BTRC: variants seen among roughly 807,000 people sequenced by gnomAD.
BTRC encodes F-box/WD repeat-containing protein 1A.
A neutral mutation model predicts 85.5 loss-of-function variants in BTRC; 42 were observed. That is an observed-to-expected ratio of 0.49 (90% CI 0.38 to 0.64). BTRC has a LOEUF of 0.64. BTRC is among the 30% of genes least tolerant of loss of function. The pLI, the probability that BTRC is intolerant of heterozygous loss-of-function variation, is 0.00. For synonymous variants in BTRC, 255 were observed against 263.3 expected (o/e 0.97, Z 0.30); for missense variants, 594 against 743.5 (o/e 0.80, Z 2.34).
In BTRC at chr10:101,507,357, A is replaced by G. The variant is rs187514322; in HGVS notation, c.325-14282A>G. Among the ~76,000 whole-genome samples the G allele has an allele frequency of 2.8e-4, 43 of 152,272 alleles. 1 individual carries two copies. In the South Asian group the frequency reaches 5.8e-3, roughly 21 times the overall value. On this transcript the variant is annotated intron_variant, in intron 4 of 14. Transcript: ENST00000370187. The stretch of plus-strand genomic sequence containing the variant: ...TTTCTCCTATTATATTTATCTTACA[A>G]TTTGCCAGGGGGTGAAGTTATTAAG...
chr10:101,435,316 A>G (rs1251059839), intron 2 of BTRC, among the ~76,000 whole-genome samples: 1 of 152,188 alleles, frequency 6.6e-6, no homozygotes, highest in Non-Finnish European at 1.5e-5. Context: ...AAGATACACA[A>G]CAGTTTCATA....
At chr10:101,544,783 G>T (rs1487200441) in intron 13 of BTRC, among the ~76,000 whole-genome samples, 2 of 152,098 alleles carry the variant, frequency 1.3e-5, no homozygotes, top group African/African-American at 4.8e-5. Flanking sequence ...TATAGGCCAG[G>T]CATGGTGTCT....
At chr10:101,532,809 C>CGCGG (rs1564831181) in intron 8 of BTRC, 143 bp from the exon 9 acceptor site, 1 of 676,024 alleles carries the variant, frequency 1.5e-6, no homozygotes, top group Non-Finnish European at 2.6e-6. Context: ...CGCGCGCGCG[C>CGCGG]GCTTAGCTAT....
rs1034028739 is a variant in BTRC at position 101,461,609 on chromosome 10, A to C, written c.157-372A>C. 3.3e-5 allele frequency among the ~76,000 whole-genome samples: 5 copies of C among 152,182 alleles called. No individual in the cohort carries two copies. The East Asian group carries it at 9.6e-4, about 29-fold the overall frequency. ...GGAGATCTGTGCCAACCAAACATCT[A>C]CTATAATCGAGAGAAGGTAATAATC... On this transcript the variant is annotated intron_variant, in intron 2 of 14. Transcript: ENST00000370187.
chr10:101,382,008 C>G (rs10883632), intron 1 of BTRC, among the ~76,000 whole-genome samples: 1 of 93,794 alleles, frequency 1.1e-5, no homozygotes, highest in South Asian at 3.9e-4. Context: ...TTTGAGATGG[C>G]GTCTTGCTCT....
At chr10:101,492,740 G>A (rs10883659) in intron 4 of BTRC, among the ~76,000 whole-genome samples, 48,202 of 151,880 alleles carry the variant, frequency 0.32, 9,810 homozygotes, top group East Asian at 0.66. Flanking sequence ...ATTTTTAATT[G>A]TTTTTCTTAC....
intron 2 of BTRC, among the ~76,000 whole-genome samples, chr10:101,432,950 G>A (rs1187296518): frequency 6.6e-6 from 1 of 152,110 alleles, no homozygotes; most frequent in Non-Finnish European, 1.5e-5. Context: ...TCACATGGCT[G>A]ACTTCTAGTC....
At chr10:101,387,366 A>G (rs1438646077) in intron 1 of BTRC, among the ~76,000 whole-genome samples, 2 of 151,176 alleles carry the variant, frequency 1.3e-5, no homozygotes, top group Non-Finnish European at 2.9e-5. Flanking sequence ...ACTATATAGT[A>G]TTTTATTGTT....
At chr10:101,413,479 A>G (rs1943840794) in intron 1 of BTRC, among the ~76,000 whole-genome samples, 1 of 152,064 alleles carries the variant, frequency 6.6e-6, no homozygotes, top group South Asian at 2.1e-4. Context: ...ACGCCTGGCT[A>G]ATTTTTGTAT....
intron 1 of BTRC, among the ~76,000 whole-genome samples, chr10:101,417,749 ATCCTCATTGTAAC>A (rs1289625830): frequency 1.3e-5 from 2 of 152,028 alleles, no homozygotes; most frequent in South Asian, 2.1e-4. Flanking sequence ...CAGTGGCGTG[ATCCTCATTGTAAC>A]TCCTGGGCTC....
chr10:101,483,237 C>A (rs748909684), intron 4 of BTRC, among the ~76,000 whole-genome samples: 135 of 152,194 alleles, frequency 8.9e-4, no homozygotes, highest in Non-Finnish European at 1.7e-3. Context: ...AAATTACAAC[C>A]ACCCTAAGTT....
rs1316760276 is a variant in BTRC, at chr10:101,372,032, C to CTT, written c.48+17804_48+17805insTT. On this transcript the variant is annotated intron_variant, in intron 1 of 14. Transcript: ENST00000370187. ...TGAAAAGATTGTTCTTTTTCTATTG[C>CTT]AGGGTCATTTTTGTCATATTAATGT... 2.6e-5 allele frequency among the ~76,000 whole-genome samples: 4 copies of CTT among 151,992 alleles called. No individual in the cohort carries two copies. In the South Asian group the frequency reaches 6.2e-4, roughly 24 times the overall value.
chr10:101,535,215 T>C, intron 10 of BTRC, 139 bp from the exon 11 acceptor site: 1 of 772,848 alleles, frequency 1.3e-6, no homozygotes. Flanking sequence ...TGAATTTAAA[T>C]TGTCCTTTGT....
intron 4 of BTRC, among the ~76,000 whole-genome samples, chr10:101,508,039 A>G (rs911198386): frequency 1.3e-5 from 2 of 152,250 alleles, no homozygotes; most frequent in African/African-American, 4.8e-5. Flanking sequence ...GAGGGGGCCA[A>G]TAAAGAAGCT....
intron 1 of BTRC, among the ~76,000 whole-genome samples, chr10:101,393,179 G>A (rs1382763362): frequency 6.6e-6 from 1 of 152,172 alleles, no homozygotes; most frequent in South Asian, 2.1e-4. Flanking sequence ...ATCCCTGGAG[G>A]GTGGTGTGCC....
intron 4 of BTRC, among the ~76,000 whole-genome samples, chr10:101,514,852 C>T (rs1338236309): frequency 6.6e-6 from 1 of 152,228 alleles, no homozygotes; most frequent in Non-Finnish European, 1.5e-5. Flanking sequence ...TGTGTCCTTA[C>T]ACCAAAGCCA....
At chr10:101,523,119 G>A (rs1439185807) in intron 5 of BTRC, among the ~76,000 whole-genome samples, 2 of 152,152 alleles carry the variant, frequency 1.3e-5, no homozygotes, top group East Asian at 1.9e-4. Context: ...CAGGAGAATC[G>A]CTTGAACCCA....
At chr10:101,394,743 G>C (rs1943320995) in intron 1 of BTRC, among the ~76,000 whole-genome samples, 1 of 152,208 alleles carries the variant, frequency 6.6e-6, no homozygotes, top group Non-Finnish European at 1.5e-5. Flanking sequence ...GTAGCCTGCA[G>C]TTCCCTGTAG....
At chr10:101,422,345 G>A (rs1243796179) in intron 1 of BTRC, among the ~76,000 whole-genome samples, 1 of 152,028 alleles carries the variant, frequency 6.6e-6, no homozygotes, top group Non-Finnish European at 1.5e-5. Context: ...AAATTTGTTT[G>A]AGTTCTTTGT....
Sources: allele counts gnomAD v4.1 joint callset (sites outside exome capture counted in the v4.1 genomes callset), GRCh38; gene constraint gnomAD v4.1.1; transcripts MANE v1.5; gene names NCBI Gene and HGNC (gene_info 2026-07-23, HGNC 2026-07-21).